RYR2: variants seen among roughly 807,000 people sequenced by gnomAD.
The protein encoded by RYR2 is ryanodine receptor 2, also known as cardiac muscle ryanodine receptor-calcium release channel.
In RYR2, 227 loss-of-function variants were observed where a neutral mutation model predicts 601.1. That is an observed-to-expected ratio of 0.38 (90% CI 0.34 to 0.42). RYR2 has a LOEUF of 0.42. RYR2 is among the 10% of genes least tolerant of loss of function. The probability of loss-of-function intolerance (pLI) is 1.00; values close to 1 mark genes in which losing one functional copy is unlikely to be tolerated. For missense variants in RYR2, 4,646 were observed against 6,156.5 expected (o/e 0.75, Z 8.21); for synonymous variants, 2,223 against 2,175.1 (o/e 1.02, Z -0.61).
Position 237,757,724 on chromosome 1 carries a change from C to T in RYR2, c.11273C>T (p.Thr3758Ile). 1 of 1,611,904 alleles carries T rather than the reference C, an allele frequency of 6.2e-7. No individual in the cohort carries two copies. The highest frequency in any genetic ancestry group is 8.5e-7 in the Non-Finnish European group (1 of 1,178,140). Reference protein sequence around the residue: ...KGETGPMVAATLKLGIAILNG... With the variant: ...KGETGPMVAAILKLGIAILNG... ...GAAACTGGACCAATGGTAGCAGCTA[C>T]TCTGAAACTTGGAATTGCTATTTTA... is the stretch of plus-strand genomic sequence containing the variant. The change falls in exon 82 of 105, where the codon ACT becomes ATT. Residue 3758 changes from threonine (T) to isoleucine (I), a missense_variant. Thr to Ile is a moderately conservative substitution (Grantham distance 89). Around this residue, in one of 17 missense-constraint regions of RYR2, gnomAD observed 1,497 missense variants for 1,842.6 expected, o/e 0.81. Transcript: ENST00000366574.
At chr1:237,494,355 A>G (rs978638352) in intron 19 of RYR2, among the ~76,000 whole-genome samples, 1 of 152,202 alleles carries the variant, frequency 6.6e-6, no homozygotes, top group African/African-American at 2.4e-5. Context: ...TCCAATGTTC[A>G]AGGGCAGAAA....
chr1:237,485,585 G>A (rs950227633), intron 17 of RYR2, among the ~76,000 whole-genome samples: 5 of 152,162 alleles, frequency 3.3e-5, no homozygotes, highest in African/African-American at 7.2e-5. Context: ...TAGACGGTGG[G>A]AGTGTATTTA....
At chr1:237,054,461 A>G (rs1424161275) in intron 1 of RYR2, among the ~76,000 whole-genome samples, 2 of 152,020 alleles carry the variant, frequency 1.3e-5, no homozygotes, top group Non-Finnish European at 2.9e-5. Context: ...TCTGGGAGCT[A>G]TCTTACTGCT....
chr1:237,659,854 A>G, intron 54 of RYR2, 131 bp from the exon 55 acceptor site: 2 of 501,698 alleles, frequency 4.0e-6, no homozygotes, highest in South Asian at 7.7e-5. Flanking sequence ...GCTGGATAAA[A>G]TTTCAATCTT....
intron 34 of RYR2, among the ~76,000 whole-genome samples, chr1:237,600,264 TAAAAC>T (rs1029660699): frequency 2.6e-5 from 4 of 151,134 alleles, no homozygotes; most frequent in African/African-American, 9.7e-5. Flanking sequence ...TATAGACCAA[TAAAAC>T]AGAACAGAGA....
At chr1:237,511,833 T>TTAA in intron 24 of RYR2, 42 bp downstream of exon 24, 47 of 274,430 alleles carry the variant, frequency 1.7e-4, no homozygotes, top group Middle Eastern at 1.6e-3. Context: ...CTGCCTTCCC[T>TTAA]GAAAAAAAAA....
intron 1 of RYR2, among the ~76,000 whole-genome samples, chr1:237,232,311 A>G (rs1685085336): frequency 1.3e-5 from 2 of 152,094 alleles, no homozygotes; most frequent in Non-Finnish European, 2.9e-5. Context: ...TAAGTTGATC[A>G]CTCATTTCCA....
At chr1:237,439,831 CA>C (rs11348643) in intron 12 of RYR2, among the ~76,000 whole-genome samples, 83,761 of 148,200 alleles carry the variant, frequency 0.57, 23,766 homozygotes, top group East Asian at 0.69. Context: ...AAGAAAAGAC[CA>C]AAAAAAAAAA....
chr1:237,666,333 A>G (rs1489485256), intron 56 of RYR2, among the ~76,000 whole-genome samples, 179 bp from the exon 57 acceptor site: 2 of 152,238 alleles, frequency 1.3e-5, no homozygotes, highest in Non-Finnish European at 2.9e-5. Context: ...ATTTTCAGAC[A>G]CCCAAATATA....
rs139942118 is a variant in RYR2 at position 237,067,099 on chromosome 1, C to G, written c.48+24530C>G. ...TGTTTTCTCCTGGTTTGTAGCTCAT[C>G]ATTTTCTCCCTCTCAACAGTCTTTC... On this transcript the variant is annotated intron_variant, in intron 1 of 104. Transcript: ENST00000366574. Among the ~76,000 whole-genome samples, 1,197 of 152,246 alleles carry G rather than the reference C, an allele frequency of 7.9e-3. 8 individuals carry two copies. Among genetic ancestry groups the G allele is most frequent in the Middle Eastern group, 0.02 (6 of 294 alleles).
At chr1:237,099,206 A>T (rs1667813852) in intron 1 of RYR2, among the ~76,000 whole-genome samples, 1 of 152,080 alleles carries the variant, frequency 6.6e-6, no homozygotes, top group South Asian at 2.1e-4. Flanking sequence ...GGTGTGTTCC[A>T]AGACCACAGA....
Position 237,168,433 on chromosome 1 carries a change from C to A in RYR2, c.49-102064C>A, listed in dbSNP as rs78506500. ...GGCTATAAACTTTGATTGATGGTTT[C>A]TATCTTCTCATAACTCTGCTCATTG... On this transcript the variant is annotated intron_variant, in intron 1 of 104. Coordinates refer to ENST00000366574, the MANE Select transcript of RYR2 (RefSeq NM_001035.3). 2.7e-4 allele frequency among the ~76,000 whole-genome samples: 41 copies of A among 152,216 alleles called. 2 individuals carry two copies. In the East Asian group the frequency reaches 7.7e-3, roughly 29 times the overall value.
intron 1 of RYR2, among the ~76,000 whole-genome samples, chr1:237,240,678 A>AAAC (rs1686062401): frequency 6.8e-6 from 1 of 148,076 alleles, no homozygotes. Flanking sequence ...AAAAAAAAAA[A>AAAC]AAAAAAAAAA....
At chr1:237,082,201 C>G (rs911996870) in intron 1 of RYR2, among the ~76,000 whole-genome samples, 1 of 152,092 alleles carries the variant, frequency 6.6e-6, no homozygotes, top group African/African-American at 2.4e-5. Context: ...CTTATTGACT[C>G]TTCACAGGAT....
At chr1:237,787,955 G>A in intron 91 of RYR2, 33 bp from the exon 92 acceptor site, 1 of 1,560,516 alleles carries the variant, frequency 6.4e-7, no homozygotes, top group Non-Finnish European at 8.7e-7. Context: ...TTAGTTTCTG[G>A]AGAGCTTATG....
At chr1:237,401,710 G>A (rs1703366059) in intron 10 of RYR2, among the ~76,000 whole-genome samples, 1 of 152,166 alleles carries the variant, frequency 6.6e-6, no homozygotes, top group Non-Finnish European at 1.5e-5. Flanking sequence ...TTCGATCATA[G>A]GCTACATGAT....
intron 1 of RYR2, among the ~76,000 whole-genome samples, chr1:237,138,670 A>T (rs1673065824): frequency 6.6e-6 from 1 of 152,256 alleles, no homozygotes; most frequent in African/African-American, 2.4e-5. Context: ...AACAAATGAG[A>T]ACACATTGAC....
chr1:237,240,224 T>C (rs1178382047), intron 1 of RYR2, among the ~76,000 whole-genome samples: 2 of 152,154 alleles, frequency 1.3e-5, no homozygotes, highest in African/African-American at 2.4e-5. Flanking sequence ...GAGTTATAAT[T>C]ATTAGGGATA....
chr1:237,402,825 A>AT (rs1703479985), intron 10 of RYR2, among the ~76,000 whole-genome samples: 2 of 149,200 alleles, frequency 1.3e-5, no homozygotes, highest in South Asian at 2.1e-4. Context: ...TCTATTGGGC[A>AT]GGCTGGAGTA....
Sources: allele counts gnomAD v4.1 joint callset (sites outside exome capture counted in the v4.1 genomes callset), GRCh38; gene constraint gnomAD v4.1.1; regional missense constraint gnomAD v4.1.1; transcripts MANE v1.5; gene names NCBI Gene and HGNC (gene_info 2026-07-23, HGNC 2026-07-21).